Variants in GALNT18 observed in about 807,000 individuals in gnomAD.
The protein encoded by GALNT18 is polypeptide N-acetylgalactosaminyltransferase 18.
In GALNT18, 44 loss-of-function variants were observed where a neutral mutation model predicts 69.5. The observed-to-expected ratio is 0.63, with a 90% CI of 0.50 to 0.81. GALNT18 has a LOEUF of 0.81. Ranked by LOEUF, GALNT18 falls within the 40% of genes least tolerant of loss-of-function variation. GALNT18 has a pLI of 0.00. For synonymous variants in GALNT18, 364 were observed against 318.2 expected (o/e 1.14, Z -1.53); for missense variants, 715 against 810.0 (o/e 0.88, Z 1.42).
intron 1 of GALNT18, among the ~76,000 whole-genome samples, chr11:11,451,484 C>T (rs1012959020): frequency 1.3e-5 from 2 of 152,144 alleles, no homozygotes; most frequent in Non-Finnish European, 2.9e-5. Context: ...CCTTTTCACT[C>T]AGTATGGGCA....
intron 6 of GALNT18, chr11:11,352,620 T>C: frequency 1.9e-6 from 3 of 1,614,164 alleles, no homozygotes; most frequent in Non-Finnish European, 2.5e-6. Flanking sequence ...CTTTCTGTGC[T>C]CATGATCAAT....
At chr11:11,300,154 T>G (rs1849469408) in intron 9 of GALNT18, among the ~76,000 whole-genome samples, 1 of 152,232 alleles carries the variant, frequency 6.6e-6, no homozygotes. Context: ...ATGATGGGCA[T>G]GTAAATTTGG....
At chr11:11,277,295 G>A (rs1044861890) in intron 10 of GALNT18, among the ~76,000 whole-genome samples, 2 of 152,162 alleles carry the variant, frequency 1.3e-5, no homozygotes, top group African/African-American at 4.8e-5. Flanking sequence ...TAGTTTTTTT[G>A]TGTAGAGGTG....
chr11:11,327,178 G>T lies in GALNT18; in HGVS notation c.1420C>A (p.Gln474Lys), dbSNP rs745624376. The T allele has an allele frequency of 6.2e-7, 1 of 1,611,740 alleles. No homozygotes were observed. The highest frequency in any genetic ancestry group is 8.5e-7 in the Non-Finnish European group (1 of 1,177,806). Residue 474 changes from glutamine to lysine, a missense_variant, in exon 9 of 11, where the codon CAG (glutamine) becomes AAG (lysine). Coordinates refer to ENST00000227756, the MANE Select transcript of GALNT18 (RefSeq NM_198516.3). ...YSDIIAYGVL[Q>K]NSLKTDLCLD... Reference sequence around the variant, plus strand: ...CACAAATCAGTCTTCAGAGAATTCTGCAGCTGAACATCAGAGAACAGATGG... The same window carrying T: ...CACAAATCAGTCTTCAGAGAATTCTTCAGCTGAACATCAGAGAACAGATGG...
chr11:11,591,963 A>G lies in GALNT18; in HGVS notation c.235+29396T>C, dbSNP rs924043034. 6.6e-6 allele frequency among the ~76,000 whole-genome samples: 1 copy of G among 152,212 alleles called. No homozygotes were observed. The highest frequency in any genetic ancestry group is 2.4e-5 in the African/African-American group (1 of 41,448). ...ATGCTGACTGAGTGACCTCAGATACATGATTTAATGTTTCTGTGCCTCAAT... is the reference window on the plus strand; with the variant it reads ...ATGCTGACTGAGTGACCTCAGATACGTGATTTAATGTTTCTGTGCCTCAAT... On this transcript the variant is annotated intron_variant, in intron 1 of 10. Coordinates refer to ENST00000227756, the MANE Select transcript of GALNT18 (RefSeq NM_198516.3). This position sits in a 1 kb window ranked among gnomAD's most constrained non-coding sequence, Gnocchi z 4.8.
At chr11:11,400,995 C>T (rs529721452) in intron 3 of GALNT18, among the ~76,000 whole-genome samples, 4 of 152,182 alleles carry the variant, frequency 2.6e-5, no homozygotes, top group Admixed American at 1.3e-4. Flanking sequence ...GGCTGAGGGT[C>T]GGCCGGGGCA....
intron 2 of GALNT18, among the ~76,000 whole-genome samples, chr11:11,447,650 C>T (rs993374131): frequency 3.9e-5 from 6 of 152,194 alleles, no homozygotes; most frequent in African/African-American, 1.4e-4. Flanking sequence ...GGCACCTCCT[C>T]ACAGGGTGGC....
Position 11,366,479 on chromosome 11 carries a change from A to C in GALNT18, c.1092+6036T>G, listed in dbSNP as rs11825390. Among the ~76,000 whole-genome samples the C allele has an allele frequency of 9.7e-3, 1,471 of 152,330 alleles. 16 individuals carry two copies. The highest frequency in any genetic ancestry group is 0.034 in the African/African-American group (1,407 of 41,570). ...CTTCTTGTTATCTTTACTGTTAAAA[A>C]TAATGATTAGAATAATGAGATAATA... is the stretch of plus-strand genomic sequence containing the variant. On this transcript the variant is annotated intron_variant, in intron 6 of 10. Coordinates refer to ENST00000227756, the MANE Select transcript of GALNT18 (RefSeq NM_198516.3).
At chr11:11,316,631 T>C (rs2403512) in intron 9 of GALNT18, among the ~76,000 whole-genome samples, 23,797 of 152,242 alleles carry the variant, frequency 0.16, 2,465 homozygotes, top group Admixed American at 0.32. Context: ...GTCGCTTTCA[T>C]CTTTCTTCTC....
Position 11,347,160 on chromosome 11 carries a change from G to C in GALNT18, c.1093-6156C>G, listed in dbSNP as rs1850318685. Among the ~76,000 whole-genome samples, 1 of 152,188 alleles carries C rather than the reference G, an allele frequency of 6.6e-6. No homozygotes were observed. The highest frequency in any genetic ancestry group is 2.4e-5 in the African/African-American group (1 of 41,438). On this transcript the variant is annotated intron_variant, in intron 6 of 10. Coordinates refer to ENST00000227756, the MANE Select transcript of GALNT18 (RefSeq NM_198516.3). The surrounding 1 kb of genome is among the most constrained non-coding windows in gnomAD (Gnocchi z 4.0). ...AATTTCCCCCAGCTGCCAAATGGGGGAGCTGGACTCAATGTTGTCTTAGGT... is the reference window on the plus strand; with the variant it reads ...AATTTCCCCCAGCTGCCAAATGGGGCAGCTGGACTCAATGTTGTCTTAGGT...
At chr11:11,485,941 G>A (rs1427824630) in intron 1 of GALNT18, among the ~76,000 whole-genome samples, 1 of 152,140 alleles carries the variant, frequency 6.6e-6, no homozygotes, top group African/African-American at 2.4e-5. Flanking sequence ...GGCCTATTGT[G>A]ATCCTGAACC....
intron 1 of GALNT18, among the ~76,000 whole-genome samples, chr11:11,456,520 T>G (rs1855928457): frequency 6.6e-6 from 1 of 152,198 alleles, no homozygotes; most frequent in Non-Finnish European, 1.5e-5. Context: ...CTCTGGCCCT[T>G]TTCTTGGAAT....
rs779677454 is a variant in GALNT18, at chr11:11,372,566, C to T, written c.1041G>A (p.Leu347=). The T allele has an allele frequency of 1.9e-6, 3 of 1,614,232 alleles. No homozygotes were observed. The highest frequency in any genetic ancestry group is 2.5e-6 in the Non-Finnish European group (3 of 1,180,040). The change falls in exon 6 of 11, where the codon CTG becomes CTA. Residue 347 remains leucine (L), a synonymous_variant. Transcript: ENST00000227756. The surrounding 1 kb of genome is among the most constrained non-coding windows in gnomAD (Gnocchi z 4.9). ...DRQYFQEIGL[L]DEGMEVYGGE... ...CCCCGTAGACTTCCATGCCTTCGTC[C>T]AGCAGGCCGATCTCCTGGAAGTACT...
Position 11,594,840 on chromosome 11 carries a change from T to TATATATAC in GALNT18, c.235+26518_235+26519insGTATATAT, listed in dbSNP as rs1328261449. 9.0e-4 allele frequency among the ~76,000 whole-genome samples: 62 copies of TATATATAC among 68,902 alleles called. 2 individuals are homozygous for TATATATAC. In the South Asian group the frequency reaches 0.02, roughly 22 times the overall value. 45.2% of individuals were successfully genotyped at this position (68,902 alleles called of 152,430 possible). A position where few individuals can be genotyped will look rare whatever the true frequency, so the allele number is the denominator to read the frequency against. On this transcript the variant is annotated intron_variant, in intron 1 of 10. Coordinates refer to ENST00000227756, the MANE Select transcript of GALNT18 (RefSeq NM_198516.3). ...GCATATATATATATATATATATATA[T>TATATATAC]ACACATATACATACATACACACACA...
intron 1 of GALNT18, among the ~76,000 whole-genome samples, chr11:11,513,957 G>C (rs1374500345): frequency 6.8e-6 from 1 of 147,956 alleles, no homozygotes; most frequent in Non-Finnish European, 1.5e-5. Flanking sequence ...CAAACTACTG[G>C]TGAGCAGCTC....
intron 1 of GALNT18, among the ~76,000 whole-genome samples, chr11:11,575,163 A>G (rs1008815046): frequency 2.6e-5 from 4 of 152,252 alleles, no homozygotes; most frequent in African/African-American, 9.6e-5. Context: ...AGTGGAAGCC[A>G]GTCCATTGCA....
chr11:11,390,258 G>T (rs1010541393), intron 3 of GALNT18, among the ~76,000 whole-genome samples: 3 of 152,120 alleles, frequency 2.0e-5, no homozygotes, highest in African/African-American at 7.2e-5. Context: ...CACTAAGCTC[G>T]GTCATGCTAG....
rs894304967 is a variant in GALNT18, at chr11:11,320,574, A to T, written c.1512+6512T>A. Among the ~76,000 whole-genome samples, 2 of 152,118 alleles carry T rather than the reference A, an allele frequency of 1.3e-5. No individual in the cohort carries two copies. The highest frequency in any genetic ancestry group is 4.8e-5 in the African/African-American group (2 of 41,420). ...CAGTCTCCTTCTGAGATGTACCCTG[A>T]CTTCATTCTCAGGTAACACGTCCTA... On this transcript the variant is annotated intron_variant, in intron 9 of 10. Coordinates refer to ENST00000227756, the MANE Select transcript of GALNT18 (RefSeq NM_198516.3). This position sits in a 1 kb window ranked among gnomAD's most constrained non-coding sequence, Gnocchi z 4.9.
At chr11:11,321,676 C>T (rs1849842153) in intron 9 of GALNT18, among the ~76,000 whole-genome samples, 1 of 152,222 alleles carries the variant, frequency 6.6e-6, no homozygotes, top group East Asian at 1.9e-4. Context: ...AGTCTCAGCT[C>T]ACTGCAACCT....
Sources: allele counts gnomAD v4.1 joint callset (sites outside exome capture counted in the v4.1 genomes callset), GRCh38; gene constraint gnomAD v4.1.1; non-coding constraint Gnocchi (gnomAD v3.1); transcripts MANE v1.5; gene names NCBI Gene and HGNC (gene_info 2026-07-23, HGNC 2026-07-21).